The following ABCA8 variants were observed in gnomAD, a reference collection of about 807,000 sequenced individuals.
ABCA8 encodes the protein ATP binding cassette subfamily A member 8.
A neutral mutation model predicts 192.3 loss-of-function variants in ABCA8; 177 were observed. The observed-to-expected ratio is 0.92, with a 90% confidence interval of 0.81 to 1.04. The LOEUF is 1.04. ABCA8 is among the 50% of genes least tolerant of loss of function. The pLI is 0.00. For synonymous variants in ABCA8, 642 were observed against 690.2 expected, an observed-to-expected ratio of 0.93 and a Z score of 1.09; for missense variants, 1,915 against 1,904.8, an observed-to-expected ratio of 1.01 and a Z score of -0.10.
intron 2 of ABCA8, among the ~76,000 whole-genome samples, chr17:68,943,593 T>C (rs1450905178): frequency 6.6e-6 from 1 of 152,222 alleles, no homozygotes; most frequent in East Asian, 1.9e-4. Context: ...TTCTTGGGTC[T>C]ATCAAAGAGC....
intron 4 of ABCA8, among the ~76,000 whole-genome samples, chr17:68,938,245 C>T (rs1214285158): frequency 2.0e-5 from 3 of 151,672 alleles, no homozygotes; most frequent in Middle Eastern, 3.2e-3. Context: ...CGTTGGAAAG[C>T]ATATTTTGGA....
chr17:68,949,095 G>T (rs559870559), intron 2 of ABCA8, among the ~76,000 whole-genome samples: 1 of 152,072 alleles, frequency 6.6e-6, no homozygotes, highest in Non-Finnish European at 1.5e-5. Flanking sequence ...TGTTTCATTG[G>T]TCTATATATC....
intron 32 of ABCA8, chr17:68,880,166 A>G (rs1351400237): frequency 2.0e-5 from 3 of 152,274 alleles, no homozygotes; most frequent in African/African-American, 7.2e-5. Context: ...TTCTGAGCCC[A>G]TAAAAATCCT....
intron 27 of ABCA8, 114 bp downstream of exon 27, chr17:68,885,082 A>C (rs2066424997): frequency 7.9e-7 from 1 of 1,272,382 alleles, no homozygotes; most frequent in Non-Finnish European, 1.1e-6. Context: ...GTCAGGCAGA[A>C]ATCTTTGAAC....
chr17:68,894,359 T>A (rs1168175143), intron 22 of ABCA8, 49 bp from the exon 23 acceptor site: 6 of 1,516,392 alleles, frequency 4.0e-6, no homozygotes, highest in Non-Finnish European at 5.3e-6. Flanking sequence ...TTCATTTTGT[T>A]CTCTAAAAAA....
chr17:68,929,748 A>G, intron 7 of ABCA8, 46 bp from the exon 8 acceptor site: 1 of 1,525,680 alleles, frequency 6.6e-7, no homozygotes, highest in African/African-American at 1.4e-5. Context: ...TGTTCACTTG[A>G]AAAGGAAGAC....
At chr17:68,869,881 T>A in intron 37 of ABCA8, 102 bp from the exon 38 acceptor site, 5 of 779,120 alleles carry the variant, frequency 6.4e-6, no homozygotes, top group East Asian at 5.3e-5. Context: ...AAAAATGGTG[T>A]TAGGAACATT....
intron 21 of ABCA8, 102 bp from the exon 22 acceptor site, chr17:68,895,115 T>A: frequency 1.1e-6 from 1 of 936,150 alleles, no homozygotes; most frequent in Non-Finnish European, 1.5e-6. Context: ...AGCAGTAATA[T>A]GGACTGTCAG....
At chr17:68,905,680 ACT>A (rs1490689665) in intron 19 of ABCA8, among the ~76,000 whole-genome samples, 1 of 151,814 alleles carries the variant, frequency 6.6e-6, no homozygotes. Flanking sequence ...TCTAATTAAG[ACT>A]CTCTTCTTTA....
chr17:68,909,931 T>C (rs764802311), intron 17 of ABCA8, among the ~76,000 whole-genome samples: 8 of 152,226 alleles, frequency 5.3e-5, no homozygotes, highest in Non-Finnish European at 8.8e-5. Flanking sequence ...ATTTGACTAC[T>C]AGATTTAGAA....
chr17:68,939,260 T>C (rs1444472286), intron 4 of ABCA8, among the ~76,000 whole-genome samples: 4 of 152,204 alleles, frequency 2.6e-5, no homozygotes, highest in Admixed American at 1.3e-4. Flanking sequence ...TTTATAGTTG[T>C]AAAGGACATA....
At chr17:68,939,655 C>T (rs919350470) in intron 4 of ABCA8, among the ~76,000 whole-genome samples, 1 of 152,044 alleles carries the variant, frequency 6.6e-6, no homozygotes, top group South Asian at 2.1e-4. Context: ...AGCTGTATAT[C>T]GGAGGGGCAG....
At chr17:68,901,721 T>C (rs1162226358) in intron 21 of ABCA8, among the ~76,000 whole-genome samples, 1 of 151,236 alleles carries the variant, frequency 6.6e-6, no homozygotes, top group African/African-American at 2.4e-5. Context: ...CGCAGGAGAA[T>C]CGCTTGAATC....
At chr17:68,871,912 A>ATACTG (rs2063377653) in intron 37 of ABCA8, among the ~76,000 whole-genome samples, 1 of 152,166 alleles carries the variant, frequency 6.6e-6, no homozygotes, top group Non-Finnish European at 1.5e-5. Flanking sequence ...ATACTATACT[A>ATACTG]TACCATACTA....
chr17:68,882,185 G>T (rs2066352464), intron 30 of ABCA8, among the ~76,000 whole-genome samples: 1 of 152,114 alleles, frequency 6.6e-6, no homozygotes, highest in South Asian at 2.1e-4. Flanking sequence ...CTCCTACAAA[G>T]GCAGTTTTTT....
In ABCA8 at chr17:68,928,403, T is replaced by C. The variant is rs144379125; in HGVS notation, c.1126-340A>G. Among the ~76,000 whole-genome samples the C allele has an allele frequency of 7.5e-4, 114 of 152,340 alleles. 1 individual carries two copies. The South Asian group carries it at 0.011, about 15-fold the overall frequency. On this transcript the variant is annotated intron_variant, in intron 9 of 39. Coordinates refer to ENST00000586539, the MANE Select transcript of ABCA8 (RefSeq NM_001288985.2). Reference sequence around the variant, plus strand: ...CACAGTCAAAAGGTGTGGTGATCCATGTAAATTGGCGGCATGAGGGAGAAT... The same window carrying C: ...CACAGTCAAAAGGTGTGGTGATCCACGTAAATTGGCGGCATGAGGGAGAAT...
chr17:68,948,570 G>A (rs181059771), intron 2 of ABCA8, among the ~76,000 whole-genome samples: 1,545 of 152,052 alleles, frequency 0.01, 13 homozygotes, highest in Middle Eastern at 0.027. Context: ...TTCATATTTT[G>A]TGTCCACTTT....
chr17:68,930,280 T>C (rs948783158), intron 7 of ABCA8, among the ~76,000 whole-genome samples: 1 of 152,186 alleles, frequency 6.6e-6, no homozygotes, highest in Non-Finnish European at 1.5e-5. Context: ...CTTCCTTATG[T>C]GTAATTTGGT....
rs1237615283 is a variant in ABCA8, at chr17:68,911,227, C to T, written c.2139-3348G>A. 6.6e-6 allele frequency among the ~76,000 whole-genome samples: 1 copy of T among 152,146 alleles called. No individual in the cohort carries two copies. Among genetic ancestry groups the T allele is most frequent in the Non-Finnish European group, 1.5e-5 (1 of 68,022 alleles). On this transcript the variant is annotated intron_variant, in intron 17 of 39. Coordinates refer to ENST00000586539, the MANE Select transcript of ABCA8 (RefSeq NM_001288985.2). This position sits in a 1 kb window ranked among gnomAD's most constrained non-coding sequence, Gnocchi z 5.7. ...CCATTGCCCTGAAGGGAGCTGCTAC[C>T]CAGGCCTGGCAGCATGTACTACAAG...
Sources: allele counts gnomAD v4.1 joint callset (sites outside exome capture counted in the v4.1 genomes callset), GRCh38; gene constraint gnomAD v4.1.1; non-coding constraint Gnocchi (gnomAD v3.1); transcripts MANE v1.5; gene names NCBI Gene and HGNC (gene_info 2026-07-23, HGNC 2026-07-21).